The following MAGI2 variants were observed in gnomAD, a reference collection of about 807,000 sequenced individuals.
MAGI2 encodes membrane associated guanylate kinase, WW and PDZ domain containing 2, also known as membrane-associated guanylate kinase, WW and PDZ domain-containing protein 2.
In MAGI2, 35 loss-of-function variants were observed where a neutral mutation model predicts 133.3. That is an observed-to-expected ratio of 0.26 (90% CI 0.20 to 0.35). The LOEUF is 0.35. MAGI2 is among the 10% of genes least tolerant of loss of function. MAGI2 has a pLI of 1.00. For synonymous variants in MAGI2, 729 were observed against 710.6 expected, an observed-to-expected ratio of 1.03 and a Z score of -0.41; for missense variants, 1,636 against 1,863.4, an observed-to-expected ratio of 0.88 and a Z score of 2.25.
At chr7:78,201,011 A>G (rs1829202042) in intron 11 of MAGI2, 151 bp downstream of exon 11, 2 of 565,200 alleles carry the variant, frequency 3.5e-6, no homozygotes, top group South Asian at 2.5e-5. Flanking sequence ...TGGGACAGAT[A>G]CAAGACAAAA....
intron 6 of MAGI2, among the ~76,000 whole-genome samples, chr7:78,430,290 G>GAGAAGA (rs952323832): frequency 7.5e-6 from 1 of 134,216 alleles, no homozygotes; most frequent in African/African-American, 2.9e-5. Flanking sequence ...GGATTGATGA[G>GAGAAGA]AGAAGAAATA....
intron 10 of MAGI2, among the ~76,000 whole-genome samples, chr7:78,230,438 A>G (rs1023820845): frequency 6.6e-6 from 1 of 152,214 alleles, no homozygotes; most frequent in African/African-American, 2.4e-5. Flanking sequence ...GGTGTATACA[A>G]GTTTTAAAAA....
At chr7:78,447,554 G>C (rs1262765741) in intron 6 of MAGI2, among the ~76,000 whole-genome samples, 2 of 152,106 alleles carry the variant, frequency 1.3e-5, no homozygotes, top group African/African-American at 4.8e-5. Flanking sequence ...CTGGAGGTCA[G>C]CGGGGGAGGT....
intron 21 of MAGI2, among the ~76,000 whole-genome samples, chr7:78,069,948 A>G (rs1456000296): frequency 2.0e-5 from 3 of 151,774 alleles, no homozygotes; most frequent in African/African-American, 4.8e-5. Flanking sequence ...CAAGATGTAC[A>G]TGGGTGCTCT....
chr7:78,728,472 C>A (rs1291868898), intron 2 of MAGI2, among the ~76,000 whole-genome samples: 1 of 148,936 alleles, frequency 6.7e-6, no homozygotes, highest in Non-Finnish European at 1.5e-5. Flanking sequence ...CCATCAAACA[C>A]TCTTGACCTA....
chr7:78,955,715 CTT>C (rs1322074857), intron 2 of MAGI2, among the ~76,000 whole-genome samples: 3 of 67,494 alleles, frequency 4.4e-5, no homozygotes, highest in African/African-American at 6.9e-5. Flanking sequence ...CTTTCTTTTT[CTT>C]TCTTTCTCTT....
intron 3 of MAGI2, among the ~76,000 whole-genome samples, chr7:78,524,180 G>A (rs541941547): frequency 6.6e-6 from 1 of 152,154 alleles, no homozygotes; most frequent in Admixed American, 6.5e-5. Context: ...GAGGGAGGGG[G>A]AGCCCTACCG....
chr7:78,300,586 G>A (rs371819577), intron 9 of MAGI2, among the ~76,000 whole-genome samples: 64 of 152,278 alleles, frequency 4.2e-4, no homozygotes, highest in African/African-American at 1.4e-3. Context: ...AATCAATACC[G>A]ATTAAAGGCA....
intron 6 of MAGI2, among the ~76,000 whole-genome samples, chr7:78,463,308 A>G (rs924307160): frequency 3.9e-5 from 6 of 152,228 alleles, no homozygotes; most frequent in African/African-American, 1.4e-4. Context: ...AGGGAAACAT[A>G]CATAGTAGAC....
intron 2 of MAGI2, among the ~76,000 whole-genome samples, chr7:78,978,423 T>A (rs1387266409): frequency 6.6e-6 from 1 of 151,908 alleles, no homozygotes; most frequent in Non-Finnish European, 1.5e-5. Flanking sequence ...CAGAAAGCTA[T>A]GTACTCTACA....
At chr7:79,439,848 C>A (rs1585988360) in intron 1 of MAGI2, among the ~76,000 whole-genome samples, 1 of 152,162 alleles carries the variant, frequency 6.6e-6, no homozygotes, top group East Asian at 1.9e-4. Flanking sequence ...TCTTACAGAA[C>A]AATTATCCAT....
chr7:79,001,516 T>A (rs972898732), intron 2 of MAGI2, among the ~76,000 whole-genome samples: 1 of 152,134 alleles, frequency 6.6e-6, no homozygotes, highest in African/African-American at 2.4e-5. Context: ...TTAATTTGTG[T>A]CTCTAATAAA....
chr7:78,816,094 A>G (rs558918686), intron 2 of MAGI2, among the ~76,000 whole-genome samples: 1 of 152,330 alleles, frequency 6.6e-6, no homozygotes, highest in South Asian at 2.1e-4. Context: ...GTGATAAGAA[A>G]GCAAAACACC....
At position 79,199,421 on chromosome 7, in the gene MAGI2, A is replaced by G. The variant is rs193040386; in HGVS notation, c.302-192215T>C. Among the ~76,000 whole-genome samples, 65 of 152,038 alleles carry G rather than the reference A, an allele frequency of 4.3e-4. 2 individuals carry two copies. Among genetic ancestry groups the G allele is most frequent in the African/African-American group, 1.5e-3 (64 of 41,376 alleles). ...TTTACAAGCTCAGTAATTCTTCATG[A>G]CTCTCTGAAGTAGTTCTTTTAGCAT... On this transcript the variant is annotated intron_variant, in intron 1 of 21. Transcript: ENST00000354212.
chr7:79,165,742 A>AATACTAAATGAG (rs1824843423), intron 1 of MAGI2, among the ~76,000 whole-genome samples: 1 of 152,112 alleles, frequency 6.6e-6, no homozygotes, highest in Non-Finnish European at 1.5e-5. Context: ...CTAAATTATA[A>AATACTAAATGAG]ACTCATGTCT....
intron 2 of MAGI2, among the ~76,000 whole-genome samples, chr7:78,972,938 TACACAC>T (rs3069435): frequency 0.55 from 81,058 of 148,206 alleles, 22,350 homozygotes; most frequent in Non-Finnish European, 0.6. Flanking sequence ...TTGTTGCTTT[TACACAC>T]ACACACACAC....
intron 1 of MAGI2, among the ~76,000 whole-genome samples, chr7:79,317,238 G>A (rs1055372820): frequency 2.6e-5 from 4 of 152,044 alleles, no homozygotes; most frequent in East Asian, 3.9e-4. Flanking sequence ...TGGTCAGGCT[G>A]GTCTTGAACG....
chr7:78,757,980 G>C (rs1251525653), intron 2 of MAGI2, among the ~76,000 whole-genome samples: 1 of 152,144 alleles, frequency 6.6e-6, no homozygotes. Flanking sequence ...ATGGCAAACA[G>C]AGCATATTCT....
intron 2 of MAGI2, among the ~76,000 whole-genome samples, chr7:78,717,214 G>C (rs546147892): frequency 5.9e-5 from 9 of 151,968 alleles, no homozygotes; most frequent in Non-Finnish European, 1.3e-4. Flanking sequence ...CCGTCGAGCC[G>C]CCCTCCTTGT....
Sources: allele counts gnomAD v4.1 joint callset (sites outside exome capture counted in the v4.1 genomes callset), GRCh38; gene constraint gnomAD v4.1.1; transcripts MANE v1.5; gene names NCBI Gene and HGNC (gene_info 2026-07-23, HGNC 2026-07-21).